ANO2: variants seen among roughly 807,000 people sequenced by gnomAD.
ANO2 encodes anoctamin-2.
A neutral mutation model predicts 124.2 loss-of-function variants in ANO2; 101 were observed. The observed-to-expected ratio is 0.81, with a 90% CI of 0.69 to 0.96. The LOEUF is 0.96. Among genes scored for constraint, ANO2 ranks in the 40% least tolerant of loss-of-function variants. The pLI is 0.00. For synonymous variants in ANO2, 486 were observed against 482.5 expected (o/e 1.01, Z -0.09); for missense variants, 1,293 against 1,274.5 (o/e 1.01, Z -0.22).
intron 7 of ANO2, among the ~76,000 whole-genome samples, chr12:5,814,775 C>G (rs1307837056): frequency 6.6e-6 from 1 of 152,238 alleles, no homozygotes; most frequent in Non-Finnish European, 1.5e-5. Context: ...GCTTCCACCT[C>G]TTCTGGGAAA....
At chr12:5,640,655 C>G (rs1056628919) in intron 15 of ANO2, among the ~76,000 whole-genome samples, 1 of 152,186 alleles carries the variant, frequency 6.6e-6, no homozygotes, top group Non-Finnish European at 1.5e-5. Flanking sequence ...CAGAGAAATG[C>G]AAATCAAAAC....
At chr12:5,748,669 A>G (rs113598581) in intron 11 of ANO2, among the ~76,000 whole-genome samples, 8 of 152,250 alleles carry the variant, frequency 5.3e-5, no homozygotes, top group African/African-American at 1.7e-4. Context: ...GTTTATAACA[A>G]TCACCTAGCA....
At chr12:5,637,052 G>T (rs1048527985) in intron 15 of ANO2, among the ~76,000 whole-genome samples, 2 of 139,546 alleles carry the variant, frequency 1.4e-5, no homozygotes, top group Non-Finnish European at 3.1e-5. Flanking sequence ...TCTGTGTGAG[G>T]CCCCTCTTCT....
intron 20 of ANO2, among the ~76,000 whole-genome samples, chr12:5,589,096 GC>G (rs1943264892): frequency 3.3e-5 from 5 of 152,232 alleles, no homozygotes; most frequent in Admixed American, 3.3e-4. Flanking sequence ...TAAGGTGACT[GC>G]CGCCAAGTCT....
chr12:5,849,922 C>T (rs567175106), intron 4 of ANO2, among the ~76,000 whole-genome samples: 4 of 152,246 alleles, frequency 2.6e-5, no homozygotes, highest in Admixed American at 6.5e-5. Context: ...CCACAGACAG[C>T]GAGTCTCGTC....
At chr12:5,915,482 T>C (rs1259009987) in intron 3 of ANO2, among the ~76,000 whole-genome samples, 1 of 152,214 alleles carries the variant, frequency 6.6e-6, no homozygotes, top group African/African-American at 2.4e-5. Flanking sequence ...GTTCAGTGGA[T>C]GCGAAGTTCT....
Position 5,780,966 on chromosome 12 carries a change from C to T in ANO2, c.1055+18541G>A, listed in dbSNP as rs17788701. The stretch of plus-strand genomic sequence containing the variant: ...CATCTTTAAAAGATAAGAAAGCCAT[C>T]TAGGAAAATGTTACAATGTGTAAAA... On this transcript the variant is annotated intron_variant, in intron 10 of 24. Coordinates refer to ENST00000682330, the MANE Select transcript of ANO2 (RefSeq NM_001364791.2). Among the ~76,000 whole-genome samples, 999 of 152,324 alleles carry T rather than the reference C, an allele frequency of 6.6e-3. 42 individuals carry two copies. Among genetic ancestry groups the T allele is most frequent in the Admixed American group, 0.046 (700 of 15,298 alleles).
intron 14 of ANO2, among the ~76,000 whole-genome samples, chr12:5,702,149 A>G (rs1464973594): frequency 6.6e-6 from 1 of 152,228 alleles, no homozygotes; most frequent in African/African-American, 2.4e-5. Flanking sequence ...GTTCCCTCAT[A>G]GGGGAGATTT....
rs748725331 is a variant in ANO2, at chr12:5,615,176, T to C, written c.1928+10A>G. The C allele has an allele frequency of 1.8e-4, 294 of 1,609,368 alleles. No individual in the cohort carries two copies. Among genetic ancestry groups the C allele is most frequent in the Non-Finnish European group, 2.3e-4 (275 of 1,177,216 alleles). On this transcript the variant is annotated intron_variant, in intron 17 of 24. Coordinates refer to ENST00000682330, the MANE Select transcript of ANO2 (RefSeq NM_001364791.2). ...AATTGCCTTTCTACACATGACACCA[T>C]TATACTCACCTCCCTTTGAAAAAGG...
intron 3 of ANO2, among the ~76,000 whole-genome samples, chr12:5,882,598 C>T (rs1460426217): frequency 1.3e-5 from 2 of 152,220 alleles, no homozygotes; most frequent in East Asian, 1.9e-4. Context: ...GGACTGGGGT[C>T]ATGTGATGGG....
intron 3 of ANO2, among the ~76,000 whole-genome samples, chr12:5,909,322 G>GA (rs1361614367): frequency 1.9e-4 from 29 of 152,166 alleles, no homozygotes; most frequent in Admixed American, 1.9e-3. Flanking sequence ...AGATATGTTA[G>GA]AACAACTGTA....
rs569768242 is a variant in ANO2 at position 5,692,424 on chromosome 12, T to C, written c.1545+40096A>G. Among the ~76,000 whole-genome samples the C allele has an allele frequency of 5.9e-5, 9 of 152,254 alleles. No homozygotes were observed. The East Asian group carries it at 1.4e-3, about 23-fold the overall frequency. On this transcript the variant is annotated intron_variant, in intron 14 of 24. Coordinates refer to ENST00000682330, the MANE Select transcript of ANO2 (RefSeq NM_001364791.2). ...GTTCTTTAAGCCACTGACTTCTTCGTTGGTTGATGTCAGGATGTTAGTGAA... is the reference window on the plus strand; with the variant it reads ...GTTCTTTAAGCCACTGACTTCTTCGCTGGTTGATGTCAGGATGTTAGTGAA...
chr12:5,801,098 G>T (rs1233697149), intron 9 of ANO2, among the ~76,000 whole-genome samples: 16 of 152,164 alleles, frequency 1.1e-4, no homozygotes, highest in Admixed American at 1.0e-3. Flanking sequence ...TTGCTAATGG[G>T]TCAGGTCAGA....
intron 1 of ANO2, among the ~76,000 whole-genome samples, chr12:5,933,961 A>T (rs972717187): frequency 1.3e-5 from 2 of 152,176 alleles, no homozygotes; most frequent in African/African-American, 4.8e-5. Flanking sequence ...AAGAGCTCTA[A>T]AAGCTTTTGG....
intron 3 of ANO2, among the ~76,000 whole-genome samples, chr12:5,855,211 T>C (rs1453296198): frequency 6.6e-6 from 1 of 152,182 alleles, no homozygotes; most frequent in East Asian, 1.9e-4. Flanking sequence ...GAAGACTATA[T>C]AGAAAATCTT....
In ANO2 at chr12:5,653,019, G is replaced by C. The variant is rs1228022357; in HGVS notation, c.1546-5218C>G. ...TATATTTTGAATTTGCTTAAAGCAG[G>C]ACTGTAAAGAAGAGATACTCAGTCA... On this transcript the variant is annotated intron_variant, in intron 14 of 24. Transcript: ENST00000682330. 2.6e-5 allele frequency among the ~76,000 whole-genome samples: 4 copies of C among 152,130 alleles called. No individual in the cohort carries two copies. The East Asian group carries it at 5.8e-4, about 22-fold the overall frequency.
At position 5,888,654 on chromosome 12, in the gene ANO2, G is replaced by C. The variant is rs185110103; in HGVS notation, c.534+32386C>G. Among the ~76,000 whole-genome samples, 3 of 152,284 alleles carry C rather than the reference G, an allele frequency of 2.0e-5. No homozygotes were observed. In the East Asian group the frequency reaches 5.8e-4, roughly 29 times the overall value. On this transcript the variant is annotated intron_variant, in intron 3 of 24. Coordinates refer to ENST00000682330, the MANE Select transcript of ANO2 (RefSeq NM_001364791.2). ...AGTTCTCCACGTCCCCACTAGATTA[G>C]CTAGATACAGAGTGCCGACTGGTGC...
At chr12:5,600,219 T>A (rs1222711368) in intron 19 of ANO2, among the ~76,000 whole-genome samples, 4 of 152,010 alleles carry the variant, frequency 2.6e-5, no homozygotes, top group Non-Finnish European at 4.4e-5. Flanking sequence ...GGGTCCTAAT[T>A]CAATAGGATT....
chr12:5,916,491 T>TAAAAAAAAAAAAAAAAA lies in ANO2; in HGVS notation c.534+4548_534+4549insTTTTTTTTTTTTTTTTT, dbSNP rs769233593. Among the ~76,000 whole-genome samples the TAAAAAAAAAAAAAAAAA allele has an allele frequency of 1.7e-4, 17 of 98,120 alleles. 2 individuals are homozygous for TAAAAAAAAAAAAAAAAA. Among genetic ancestry groups the TAAAAAAAAAAAAAAAAA allele is most frequent in the East Asian group, 2.5e-4 (1 of 4,006 alleles). The allele number at this position is 98,120 out of a possible 152,430, so 64.4% of individuals were successfully genotyped here. A position where few individuals can be genotyped will look rare whatever the true frequency, so the allele number is the denominator to read the frequency against. On this transcript the variant is annotated intron_variant, in intron 3 of 24. Transcript: ENST00000682330. ...CTCTGAATAGAAAAATCGCAGCAGG[T>TAAAAAAAAAAAAAAAAA]TAAAAAAAAAAAAAAAAAAAAAGGC...
Sources: gnomAD v4.1 joint callset for allele counts (sites outside exome capture counted in the v4.1 genomes callset) on GRCh38, gnomAD v4.1.1 for gene constraint, MANE v1.5 for transcripts, NCBI Gene and HGNC (gene_info 2026-07-23, HGNC 2026-07-21) for gene names.